MIB1: variants seen among roughly 807,000 people sequenced by gnomAD.
The protein encoded by MIB1 is MIB E3 ubiquitin protein ligase 1, also known as E3 ubiquitin-protein ligase MIB1.
Under a neutral mutation model 124.5 loss-of-function variants are expected in MIB1, and 278 were observed. That is an observed-to-expected ratio of 2.23 (90% confidence interval 2.02 to 2.47). The LOEUF (loss-of-function observed/expected upper bound fraction) is 2.47. Among genes scored for constraint, MIB1 ranks in the 30% most tolerant of loss-of-function variants. The pLI is 0.00. For missense variants in MIB1, 957 were observed against 1,254.4 expected (o/e 0.76, Z 3.58); for synonymous variants, 446 against 429.4 (o/e 1.04, Z -0.48).
chr18:21,836,179 G>T (rs986270895), intron 12 of MIB1, among the ~76,000 whole-genome samples: 1 of 151,964 alleles, frequency 6.6e-6, no homozygotes, highest in African/African-American at 2.4e-5. Context: ...ATTTGAGCCT[G>T]GGAGGTTGAA....
In MIB1 at chr18:21,853,125, CCT is replaced by C. The variant is rs548508294; in HGVS notation, c.2587-12_2587-11del. The C allele has an allele frequency of 8.8e-5, 140 of 1,586,336 alleles. No homozygotes were observed. The South Asian group carries it at 1.4e-3, about 15-fold the overall frequency. On this transcript the variant is annotated splice_polypyrimidine_tract_variant and intron_variant, in intron 17 of 20. Coordinates refer to ENST00000261537, the MANE Select transcript of MIB1 (RefSeq NM_020774.4). ...TCTGTAAATGGTCACTGTGCTGTAACCTCTTTTTCTATAGATTGAAGAATGTG... is the reference window on the plus strand; with the variant it reads ...TCTGTAAATGGTCACTGTGCTGTAACCTTTTTCTATAGATTGAAGAATGTG...
chr18:21,732,415 C>G (rs945898504), intron 1 of MIB1, among the ~76,000 whole-genome samples: 4 of 149,092 alleles, frequency 2.7e-5, no homozygotes, highest in Non-Finnish European at 4.5e-5. Context: ...GAGAGAGAGA[C>G]AGGATTGACC....
At chr18:21,809,027 A>G (rs2041740909) in intron 10 of MIB1, among the ~76,000 whole-genome samples, 1 of 152,126 alleles carries the variant, frequency 6.6e-6, no homozygotes, top group Non-Finnish European at 1.5e-5. Context: ...TTTTTTGGCT[A>G]GATGGACTAA....
At chr18:21,736,358 A>G (rs2040796990), upstream of MIB1, among the ~76,000 whole-genome samples, 1 of 152,250 alleles carries the variant, frequency 6.6e-6, no homozygotes, top group African/African-American at 2.4e-5. Context: ...CGTCATCCGA[A>G]GGTCACCAAC....
At chr18:21,751,259 G>A (rs1467371891) in intron 1 of MIB1, among the ~76,000 whole-genome samples, 5 of 151,994 alleles carry the variant, frequency 3.3e-5, no homozygotes. Flanking sequence ...TGCATTAAAC[G>A]TCACAGTTAT....
At chr18:21,787,876 A>T (rs9957695) in intron 6 of MIB1, among the ~76,000 whole-genome samples, 52,418 of 151,638 alleles carry the variant, frequency 0.35, 10,843 homozygotes, top group East Asian at 0.51. Flanking sequence ...GCGGTATAAA[A>T]TTGTATGCAC....
intron 18 of MIB1, among the ~76,000 whole-genome samples, chr18:21,854,357 A>G (rs1190367251): frequency 2.0e-5 from 3 of 152,246 alleles, no homozygotes; most frequent in Admixed American, 1.3e-4. Context: ...AAAAACAACC[A>G]TGGAAAATAT....
At chr18:21,802,463 C>G (rs2041660804) in intron 9 of MIB1, among the ~76,000 whole-genome samples, 1 of 151,364 alleles carries the variant, frequency 6.6e-6, no homozygotes, top group African/African-American at 2.4e-5. Context: ...TTTATTATTC[C>G]ATCAGTTTTA....
chr18:21,836,242 A>T (rs1162235514), intron 12 of MIB1, among the ~76,000 whole-genome samples: 1 of 151,480 alleles, frequency 6.6e-6, no homozygotes, highest in East Asian at 1.9e-4. Context: ...TGGGCAACAG[A>T]GAGAAACTTT....
At chr18:21,848,474 A>G (rs1568226259) in intron 16 of MIB1, among the ~76,000 whole-genome samples, 1 of 152,156 alleles carries the variant, frequency 6.6e-6, no homozygotes, top group Non-Finnish European at 1.5e-5. Context: ...CTATAAATAT[A>G]AAGATATAAG....
chr18:21,864,474 A>G, intron 20 of MIB1, 52 bp from the exon 21 acceptor site: 1 of 1,424,922 alleles, frequency 7.0e-7, no homozygotes. Context: ...ACAGTCTGTC[A>G]CTTTCCAAAT....
intron 12 of MIB1, among the ~76,000 whole-genome samples, chr18:21,819,999 AT>A (rs2041864766): frequency 6.6e-6 from 1 of 152,172 alleles, no homozygotes; most frequent in African/African-American, 2.4e-5. Context: ...CACGATAATT[AT>A]TTTTTAAAAC....
intron 2 of MIB1, among the ~76,000 whole-genome samples, chr18:21,766,512 C>T (rs928545402): frequency 5.3e-5 from 8 of 151,916 alleles, no homozygotes; most frequent in East Asian, 1.9e-4. Flanking sequence ...TTAATGGGGG[C>T]GGAGTTTTAG....
intron 3 of MIB1, among the ~76,000 whole-genome samples, chr18:21,771,260 G>A (rs1374636038): frequency 6.6e-6 from 1 of 152,132 alleles, no homozygotes; most frequent in African/African-American, 2.4e-5. Context: ...AACAAATGAA[G>A]GAATTTCATT....
chr18:21,744,093 C>A (rs992521443), intron 1 of MIB1, among the ~76,000 whole-genome samples: 2 of 140,138 alleles, frequency 1.4e-5, no homozygotes, highest in Admixed American at 7.1e-5. Context: ...TTAAATTCTT[C>A]AGGGTTTTTT....
upstream of MIB1, among the ~76,000 whole-genome samples, chr18:21,739,995 A>C (rs1353946738): frequency 2.6e-5 from 4 of 152,014 alleles, no homozygotes; most frequent in Non-Finnish European, 5.9e-5. Context: ...TTCCTTGGGT[A>C]CATTTTACGT....
chr18:21,741,485 A>C lies in MIB1; in HGVS notation c.-99A>C. ...CCGGGGCTCGCTGCCGCCCCCGCCG[A>C]CGCCTAGAGTCCGGCCCGGGCCCAA... On this transcript the variant is annotated 5_prime_UTR_variant, in exon 1 of 21. Transcript: ENST00000261537. The surrounding 1 kb of genome is among the most constrained non-coding windows in gnomAD (Gnocchi z 5.4). The C allele has an allele frequency of 5.8e-5, 37 of 633,080 alleles. No homozygotes were observed. Among genetic ancestry groups the C allele is most frequent in the East Asian group, 1.6e-4 (3 of 18,458 alleles). The allele number at this position is 633,080 out of a possible 1,614,324, so 39.2% of individuals were successfully genotyped here. A position where few individuals can be genotyped will look rare whatever the true frequency, so the allele number is the denominator to read the frequency against.
chr18:21,750,482 C>T (rs565134936), intron 1 of MIB1, among the ~76,000 whole-genome samples: 1 of 152,204 alleles, frequency 6.6e-6, no homozygotes, highest in Non-Finnish European at 1.5e-5. Flanking sequence ...CGCATGCCAC[C>T]ATGCCCCGCT....
intron 1 of MIB1, among the ~76,000 whole-genome samples, chr18:21,712,856 AG>A (rs1236683780): frequency 6.6e-6 from 1 of 152,208 alleles, no homozygotes; most frequent in Non-Finnish European, 1.5e-5. Flanking sequence ...AACCTAATAG[AG>A]AATATAAAAG....
Sources: gnomAD v4.1 joint callset for allele counts (sites outside exome capture counted in the v4.1 genomes callset) on GRCh38, gnomAD v4.1.1 for gene constraint, Gnocchi (gnomAD v3.1) non-coding constraint, MANE v1.5 for transcripts, NCBI Gene and HGNC (gene_info 2026-07-23, HGNC 2026-07-21) for gene names.